Variants in STK36 observed in about 807,000 individuals in gnomAD.
STK36 encodes serine/threonine-protein kinase 36.
Under a neutral mutation model 142.2 loss-of-function variants are expected in STK36, and 116 were observed. That is an observed-to-expected ratio of 0.82 (90% CI 0.70 to 0.95). The LOEUF is 0.95. Ranked by LOEUF, STK36 falls within the 40% of genes least tolerant of loss-of-function variation. The pLI is 0.00. For missense variants in STK36, 1,422 were observed against 1,617.2 expected, an observed-to-expected ratio of 0.88 and a Z score of 2.07; for synonymous variants, 619 against 641.7, an observed-to-expected ratio of 0.96 and a Z score of 0.53.
In STK36 at chr2:218,679,207, C is replaced by T. The variant is rs760747950; in HGVS notation, c.724C>T (p.Arg242Ter). 5.0e-6 allele frequency: 8 copies of T among 1,614,032 alleles called. No individual in the cohort carries two copies. The highest frequency in any genetic ancestry group is 3.3e-5 in the Admixed American group (2 of 60,006). Reference sequence around the variant, plus strand: ...ACTGCTCACCAAAGACCCACGGCAGCGACTGTCCTGGCCAGACCTCTTATA... The same window carrying T: ...ACTGCTCACCAAAGACCCACGGCAGTGACTGTCCTGGCCAGACCTCTTATA... Reference protein sequence around the residue: ...QGLLTKDPRQRLSWPDLLYHP... With the variant: ...QGLLTKDPRQ The change falls in exon 7 of 27, where the codon CGA (arginine) becomes TGA (stop). Residue 242 changes from arginine (R) to a stop codon, truncating the protein, a stop_gained. Transcript: ENST00000295709. LOFTEE classifies it high-confidence loss of function.
At position 218,679,063 on chromosome 2, in the gene STK36, T is replaced by C; in HGVS notation, c.685-105T>C. On this transcript the variant is annotated intron_variant, in intron 6 of 26. Coordinates refer to ENST00000295709, the MANE Select transcript of STK36 (RefSeq NM_015690.5). ...AGGGCATGATCAAGAGCAGCTCATC[T>C]GCTGTGAGGATGGATGTGGGATTCT... is the stretch of plus-strand genomic sequence containing the variant. 3 of 1,069,282 alleles carry C rather than the reference T, an allele frequency of 2.8e-6. No individual in the cohort carries two copies. In the South Asian group the frequency reaches 4.3e-5, roughly 15 times the overall value. The allele number at this position is 1,069,282 out of a possible 1,614,324, so 66.2% of individuals were successfully genotyped here.
At position 218,692,522 on chromosome 2, in the gene STK36, G is replaced by C. The variant is rs1181047516; in HGVS notation, c.1916-61G>C. 2.6e-6 allele frequency: 4 copies of C among 1,563,698 alleles called. No homozygotes were observed. In the African/African-American group the frequency reaches 4.1e-5, roughly 16 times the overall value. ...CCTGCTGCCATGTCGGTGAGTACTGGTGCTATTGTCTAGGGCAAGAGCCTC... is the reference window on the plus strand; with the variant it reads ...CCTGCTGCCATGTCGGTGAGTACTGCTGCTATTGTCTAGGGCAAGAGCCTC... On this transcript the variant is annotated intron_variant, in intron 15 of 26. Transcript: ENST00000295709.
rs760305774 is a variant in STK36, at chr2:218,679,649, C to T, written c.868C>T (p.His290Tyr). The T allele has an allele frequency of 1.2e-6, 2 of 1,614,172 alleles. No homozygotes were observed. Among genetic ancestry groups the T allele is most frequent in the South Asian group, 1.1e-5 (1 of 91,084 alleles). ...ELQVLKDEQA[H>Y]RLAPKGNQSR... ...TCAGGTCCTAAAGGACGAACAGGCC[C>T]ATCGGTTGGCCCCCAAGGGTAATCA... Residue 290 changes from histidine (H) to tyrosine (Y), a missense_variant, in exon 8 of 27, where the codon CAT becomes TAT. By Grantham distance (83) the His-to-Tyr change is moderately conservative. Around this residue, in one of 2 missense-constraint regions of STK36, gnomAD observed 460 missense variants for 449.6 expected, o/e 1.02. Transcript: ENST00000295709.
chr2:218,689,434 G>C (rs1940908446), intron 12 of STK36, among the ~76,000 whole-genome samples: 1 of 152,114 alleles, frequency 6.6e-6, no homozygotes, highest in African/African-American at 2.4e-5. Flanking sequence ...TGTGTTTGGG[G>C]CCAAACCTCT....
At position 218,697,901 on chromosome 2, in the gene STK36, A is replaced by G. The variant is rs374235961; in HGVS notation, c.2957A>G (p.Gln986Arg). The G allele has an allele frequency of 1.7e-5, 27 of 1,614,180 alleles. No homozygotes were observed. In the East Asian group the frequency reaches 5.8e-4, roughly 35 times the overall value. The change falls in exon 25 of 27, where the codon CAG (glutamine) becomes CGG (arginine). Residue 986 changes from glutamine to arginine, a missense_variant. By Grantham distance (43) the Gln-to-Arg change is conservative. Around this residue, in one of 2 missense-constraint regions of STK36, gnomAD observed 962 missense variants for 1,167.5 expected, o/e 0.82. Coordinates refer to ENST00000295709, the MANE Select transcript of STK36 (RefSeq NM_015690.5). The stretch of plus-strand genomic sequence containing the variant: ...CCTGTCGTGGTGCTCTCTGTCTGCC[A>G]GCTCCTTTGCTTCCCCTTTGCGCTG... The part of the protein sequence containing the change: ...FLPVVVLSVC[Q>R]LLCFPFALDM...
At chr2:218,695,903 C>T (rs1941217034) in intron 21 of STK36, among the ~76,000 whole-genome samples, 1 of 129,782 alleles carries the variant, frequency 7.7e-6, no homozygotes, top group African/African-American at 3.1e-5. Flanking sequence ...CTCACTCTGT[C>T]ACCAGGCTGG....
At position 218,685,111 on chromosome 2, in the gene STK36, G is replaced by A. The variant is rs148515974; in HGVS notation, c.1263G>A (p.Gln421=). ...AGCCAGACAGTGACAATGAGTGGCA[G>A]CACCTGCTAGAGACCACTGAGCCTG... ...NEEPDSDNEW[Q]HLLETTEPVP... is the part of the protein sequence containing the mutation. Residue 421 remains glutamine, a synonymous_variant, in exon 11 of 27, where the codon CAG becomes CAA. Transcript: ENST00000295709. 3.6e-4 allele frequency: 578 copies of A among 1,614,092 alleles called. 1 individual carries two copies. Among genetic ancestry groups the A allele is most frequent in the Non-Finnish European group, 4.6e-4 (546 of 1,180,010 alleles).
Position 218,701,907 on chromosome 2 carries a change from C to T in STK36, c.3846C>T (p.Leu1282=). The change falls in exon 27 of 27, where the codon CTC becomes CTT. Residue 1282 remains leucine, a synonymous_variant. Coordinates refer to ENST00000295709, the MANE Select transcript of STK36 (RefSeq NM_015690.5). Reference sequence around the variant, plus strand: ...GTGCCAGTGAGAAACTATCCTTGCTCTCTCTGGGGAATCAGTCACTGCCAC... The same window carrying T: ...GTGCCAGTGAGAAACTATCCTTGCTTTCTCTGGGGAATCAGTCACTGCCAC... ...SLGASEKLSL[L]SLGNQSLPHS... is the part of the protein sequence containing the mutation. 1 of 1,614,178 alleles carries T rather than the reference C, an allele frequency of 6.2e-7. No individual in the cohort carries two copies. Among genetic ancestry groups the T allele is most frequent in the Admixed American group, 1.7e-5 (1 of 60,016 alleles).
chr2:218,689,730 A>G (rs1033128176), intron 12 of STK36, 129 bp from the exon 13 acceptor site: 3 of 737,380 alleles, frequency 4.1e-6, no homozygotes, highest in Middle Eastern at 2.8e-4. Flanking sequence ...CTCTCTGCCT[A>G]TACTTCTCTT....
chr2:218,693,436 A>AAG (rs1553603546), intron 17 of STK36, 92 bp downstream of exon 17: 6 of 1,260,562 alleles, frequency 4.8e-6, no homozygotes, highest in Non-Finnish European at 5.6e-6. Flanking sequence ...GGAGGACTAA[A>AAG]AGAGAGAGAG....
intron 26 of STK36, among the ~76,000 whole-genome samples, chr2:218,700,889 G>A (rs1276338809): frequency 6.6e-6 from 1 of 150,454 alleles, no homozygotes; most frequent in Non-Finnish European, 1.5e-5. Context: ...GCAGGCGCCT[G>A]TAATCCCAGC....
intron 4 of STK36, among the ~76,000 whole-genome samples, chr2:218,674,749 C>T (rs1201690542): frequency 2.0e-5 from 3 of 152,062 alleles, no homozygotes; most frequent in African/African-American, 7.2e-5. Flanking sequence ...TTATAGCATG[C>T]GCCACCATGC....
rs6748692 is a variant in STK36 at position 218,672,514 on chromosome 2, A to T, written c.-89-227A>T. ...TAGGTTGAAAGAGTAGGGTCGAGTG[A>T]GCCAGGCTGGGTGAGGGAGAAGGGG... On this transcript the variant is annotated intron_variant, in intron 1 of 26. Transcript: ENST00000295709. 0.047 allele frequency: 17,040 copies of T among 362,324 alleles called. 588 individuals are homozygous for T. Among genetic ancestry groups the T allele is most frequent in the East Asian group, 0.12 (1,786 of 15,526 alleles). The allele number at this position is 362,324 out of a possible 1,614,324, so 22.4% of individuals were successfully genotyped here. A position where few individuals can be genotyped will look rare whatever the true frequency, so the allele number is the denominator to read the frequency against.
intron 14 of STK36, among the ~76,000 whole-genome samples, chr2:218,691,305 A>G (rs1364798075): frequency 6.6e-6 from 1 of 152,168 alleles, no homozygotes; most frequent in Admixed American, 6.5e-5. Flanking sequence ...CTGGACTACT[A>G]CTTGCCTTTA....
At chr2:218,697,268 G>A in intron 23 of STK36, 55 bp downstream of exon 23, 1 of 1,569,198 alleles carries the variant, frequency 6.4e-7, no homozygotes, top group Admixed American at 1.9e-5. Context: ...TTCAAGAGGA[G>A]GCAGCCCAGA....
intron 26 of STK36, 46 bp downstream of exon 26, chr2:218,699,394 A>G: frequency 6.4e-7 from 1 of 1,571,090 alleles, no homozygotes; most frequent in Non-Finnish European, 8.6e-7. Context: ...GGGCCCCTAT[A>G]GTTGACAACA....
At chr2:218,691,350 C>G (rs1940989997) in intron 14 of STK36, among the ~76,000 whole-genome samples, 1 of 152,136 alleles carries the variant, frequency 6.6e-6, no homozygotes, top group East Asian at 1.9e-4. Flanking sequence ...GGTCTGAGAT[C>G]CTGTTTTAAT....
intron 5 of STK36, 126 bp from the exon 6 acceptor site, chr2:218,675,902 TG>T: frequency 8.2e-7 from 1 of 1,223,054 alleles, no homozygotes; most frequent in Non-Finnish European, 1.2e-6. Flanking sequence ...GGACTGCTGC[TG>T]GGTCTTCTGG....
At chr2:218,696,101 A>AT (rs1205217459) in intron 21 of STK36, among the ~76,000 whole-genome samples, 1 of 151,736 alleles carries the variant, frequency 6.6e-6, no homozygotes, top group Non-Finnish European at 1.5e-5. Flanking sequence ...TGACTTCCTG[A>AT]TCCCCCCGCC....
Sources: allele counts gnomAD v4.1 joint callset (sites outside exome capture counted in the v4.1 genomes callset), GRCh38; gene constraint gnomAD v4.1.1; regional missense constraint gnomAD v4.1.1; transcripts MANE v1.5; gene names NCBI Gene and HGNC (gene_info 2026-07-23, HGNC 2026-07-21).